Variants in STXBP5L observed in about 807,000 individuals in gnomAD.
The protein encoded by STXBP5L is syntaxin binding protein 5L.
STXBP5L carries 65 observed loss-of-function variants against 144.5 expected under a neutral mutation model. The ratio of observed to expected loss-of-function variants is 0.45; its 90% confidence interval spans 0.37 to 0.55. The LOEUF (loss-of-function observed/expected upper bound fraction) is 0.55. Ranked by LOEUF, STXBP5L falls within the 20% of genes least tolerant of loss-of-function variation. The pLI is 0.00. For synonymous variants in STXBP5L, 505 were observed against 469.6 expected, an observed-to-expected ratio of 1.08 and a Z score of -0.97; for missense variants, 1,298 against 1,405.5, an observed-to-expected ratio of 0.92 and a Z score of 1.22.
intron 4 of STXBP5L, among the ~76,000 whole-genome samples, chr3:121,044,118 A>T (rs1947346724): frequency 6.6e-6 from 1 of 152,210 alleles, no homozygotes; most frequent in Non-Finnish European, 1.5e-5. Flanking sequence ...GAAGGAAATT[A>T]TCTGAGTTCA....
chr3:121,245,838 G>GTAACACAA (rs2049832896), intron 14 of STXBP5L, among the ~76,000 whole-genome samples: 1 of 152,024 alleles, frequency 6.6e-6, no homozygotes, highest in African/African-American at 2.4e-5. Context: ...CACAATAATA[G>GTAACACAA]TAATATATTT....
intron 3 of STXBP5L, among the ~76,000 whole-genome samples, chr3:120,981,232 G>T (rs1171635659): frequency 6.6e-6 from 1 of 152,010 alleles, no homozygotes; most frequent in Non-Finnish European, 1.5e-5. Context: ...TGACTTTCTT[G>T]TATGTGAATG....
chr3:121,395,143 T>C (rs1431086153), intron 22 of STXBP5L, among the ~76,000 whole-genome samples: 2 of 152,200 alleles, frequency 1.3e-5, no homozygotes, highest in Non-Finnish European at 2.9e-5. Flanking sequence ...AGTAACCCTT[T>C]AGATGTGTGA....
chr3:121,217,502 T>A (rs1042859703), intron 10 of STXBP5L, among the ~76,000 whole-genome samples: 55 of 152,048 alleles, frequency 3.6e-4, no homozygotes, highest in Admixed American at 3.0e-3. Flanking sequence ...TCACCCTCCG[T>A]GGTCTGCACC....
chr3:121,082,090 T>C (rs1195201611), intron 5 of STXBP5L, among the ~76,000 whole-genome samples: 1 of 152,212 alleles, frequency 6.6e-6, no homozygotes, highest in East Asian at 1.9e-4. Flanking sequence ...TTGTCTTAGT[T>C]ACTCTAGTTC....
intron 22 of STXBP5L, among the ~76,000 whole-genome samples, chr3:121,386,137 A>T (rs2046420935): frequency 6.6e-6 from 1 of 152,152 alleles, no homozygotes; most frequent in South Asian, 2.1e-4. Context: ...AATCAAACAT[A>T]ATCATTATAT....
At chr3:121,229,283 T>C (rs1358352380) in intron 11 of STXBP5L, among the ~76,000 whole-genome samples, 1 of 152,216 alleles carries the variant, frequency 6.6e-6, no homozygotes, top group Admixed American at 6.6e-5. Flanking sequence ...CTTTCTATCT[T>C]GTTTCTATTT....
chr3:121,046,476 A>G (rs1947523934), intron 5 of STXBP5L, among the ~76,000 whole-genome samples: 5 of 152,088 alleles, frequency 3.3e-5, no homozygotes, highest in Non-Finnish European at 7.4e-5. Flanking sequence ...TTGGCTGTGA[A>G]TCATTCTTGT....
intron 12 of STXBP5L, among the ~76,000 whole-genome samples, 172 bp downstream of exon 12, chr3:121,233,860 T>G (rs1187119417): frequency 1.3e-5 from 2 of 152,180 alleles, no homozygotes; most frequent in African/African-American, 4.8e-5. Context: ...TGGGAAACAC[T>G]GAGAAAATTG....
chr3:121,282,167 G>A, intron 19 of STXBP5L: 1 of 979,624 alleles, frequency 1.0e-6, no homozygotes, highest in Non-Finnish European at 1.6e-6. Context: ...CATCTTGGCT[G>A]TTCTAGATTC....
intron 3 of STXBP5L, among the ~76,000 whole-genome samples, chr3:121,017,802 G>A (rs917106133): frequency 5.3e-5 from 8 of 152,100 alleles, no homozygotes; most frequent in African/African-American, 1.9e-4. Flanking sequence ...GGGTGGTGAA[G>A]GTGATGGTTC....
At chr3:121,301,095 T>C in intron 19 of STXBP5L, among the ~76,000 whole-genome samples, 1 of 152,174 alleles carries the variant, frequency 6.6e-6, no homozygotes, top group Non-Finnish European at 1.5e-5. Context: ...AAGTCATTGG[T>C]AGCCTGATGG....
intron 9 of STXBP5L, among the ~76,000 whole-genome samples, 169 bp from the exon 10 acceptor site, chr3:121,205,754 C>T (rs757310165): frequency 6.6e-6 from 1 of 152,046 alleles, no homozygotes; most frequent in Non-Finnish European, 1.5e-5. Flanking sequence ...AGATTGTTTA[C>T]AAATTCAACA....
chr3:121,353,991 T>C (rs1438685690), intron 20 of STXBP5L, among the ~76,000 whole-genome samples: 1 of 152,186 alleles, frequency 6.6e-6, no homozygotes, highest in Admixed American at 6.5e-5. Flanking sequence ...GTTGAGCAGT[T>C]TTGAGTGAGT....
At chr3:121,352,863 T>C (rs540526330) in intron 20 of STXBP5L, among the ~76,000 whole-genome samples, 2 of 152,186 alleles carry the variant, frequency 1.3e-5, no homozygotes, top group African/African-American at 4.8e-5. Context: ...TCCATCAATA[T>C]CTAGTTTATT....
chr3:121,167,280 C>T (rs2046534552), intron 9 of STXBP5L, among the ~76,000 whole-genome samples: 1 of 152,104 alleles, frequency 6.6e-6, no homozygotes, highest in Admixed American at 6.5e-5. Context: ...AACCTAACTG[C>T]TTATGTGTTA....
chr3:121,262,403 G>A (rs1457198976), intron 18 of STXBP5L, among the ~76,000 whole-genome samples: 1 of 152,206 alleles, frequency 6.6e-6, no homozygotes, highest in Non-Finnish European at 1.5e-5. Flanking sequence ...GCCAAGGCAG[G>A]TGGATCACCT....
intron 13 of STXBP5L, 122 bp from the exon 14 acceptor site, chr3:121,240,317 CT>C: frequency 1.2e-6 from 1 of 818,808 alleles, no homozygotes; most frequent in South Asian, 1.9e-5. Context: ...ACACTTCATT[CT>C]TGATGATTTT....
In STXBP5L at chr3:121,415,840, C is replaced by T. The variant is rs1360154982; in HGVS notation, c.3115-17C>T. ...TTTTTAGTTGTTCTAATGCTTTTTT[C>T]TGTGAATTTGATGCAGGACATGCTA... On this transcript the variant is annotated splice_polypyrimidine_tract_variant and intron_variant, in intron 24 of 26. Transcript: ENST00000471454. 3 of 1,554,108 alleles carry T rather than the reference C, an allele frequency of 1.9e-6. No individual in the cohort carries two copies. The highest frequency in any genetic ancestry group is 2.4e-5 in the South Asian group (2 of 85,092).
Sources: gnomAD v4.1 joint callset for allele counts (sites outside exome capture counted in the v4.1 genomes callset) on GRCh38, gnomAD v4.1.1 for gene constraint, MANE v1.5 for transcripts, NCBI Gene and HGNC (gene_info 2026-07-23, HGNC 2026-07-21) for gene names.